RASSF3: variants seen among roughly 807,000 people sequenced by gnomAD.
RASSF3 encodes the protein ras association domain-containing protein 3.
A neutral mutation model predicts 19.9 loss-of-function variants in RASSF3; 19 were observed. The ratio of observed to expected loss-of-function variants is 0.96; its 90% confidence interval spans 0.67 to 1.40. The LOEUF (loss-of-function observed/expected upper bound fraction) is 1.40, where lower values mean the gene tolerates loss of function less well. Among genes scored for constraint, RASSF3 ranks in the 40% most tolerant of loss-of-function variants. The pLI, the probability that RASSF3 is intolerant of heterozygous loss-of-function variation, is 0.00. For missense variants in RASSF3, 306 were observed against 289.8 expected, an observed-to-expected ratio of 1.06 and a Z score of -0.41; for synonymous variants, 110 against 104.2, an observed-to-expected ratio of 1.06 and a Z score of -0.34.
At chr12:64,535,182 C>T (rs765509013) in intron 1 of RASSF3, among the ~76,000 whole-genome samples, 11 of 151,942 alleles carry the variant, frequency 7.2e-5, no homozygotes, top group African/African-American at 1.4e-4. Flanking sequence ...TCCTGCAAAT[C>T]GGTGGTCCAT....
At chr12:64,684,963 T>TTAGAA (rs1873292854) in intron 2 of RASSF3, 69 bp downstream of exon 2, 1 of 889,422 alleles carries the variant, frequency 1.1e-6, no homozygotes, top group Non-Finnish European at 1.9e-6. Context: ...GGTACTACAA[T>TTAGAA]CTATAGTTCT....
upstream of RASSF3, among the ~76,000 whole-genome samples, chr12:64,608,363 C>T (rs1364316147): frequency 6.6e-6 from 1 of 152,110 alleles, no homozygotes; most frequent in Non-Finnish European, 1.5e-5. Flanking sequence ...TCTTGTCGCC[C>T]AGACTGGAGT....
intron 1 of RASSF3, among the ~76,000 whole-genome samples, chr12:64,539,789 A>G (rs546794389): frequency 1.3e-5 from 2 of 152,244 alleles, no homozygotes; most frequent in South Asian, 2.1e-4. Flanking sequence ...GAAAAAAAAA[A>G]TTTCTCATAC....
At chr12:64,587,008 T>A (rs529866926) in intron 2 of RASSF3, among the ~76,000 whole-genome samples, 2 of 151,942 alleles carry the variant, frequency 1.3e-5, no homozygotes, top group Admixed American at 1.3e-4. Context: ...GTTGATATGT[T>A]CTTTAAAATC....
chr12:64,514,856 G>A (rs955151823), intron 1 of RASSF3, among the ~76,000 whole-genome samples: 1 of 152,048 alleles, frequency 6.6e-6, no homozygotes, highest in Non-Finnish European at 1.5e-5. Context: ...CTATCTTCCC[G>A]ATCTGATGAA....
chr12:64,544,724 C>T (rs1869022879), downstream of RASSF3, among the ~76,000 whole-genome samples: 1 of 152,114 alleles, frequency 6.6e-6, no homozygotes, highest in African/African-American at 2.4e-5. Context: ...GATAGAATTA[C>T]TGAAACTAGG....
At chr12:64,688,845 C>T (rs549191694) in intron 3 of RASSF3, among the ~76,000 whole-genome samples, 8 of 152,154 alleles carry the variant, frequency 5.3e-5, no homozygotes, top group South Asian at 4.2e-4. Context: ...TGCATCAGTA[C>T]GTGGAGTGGT....
chr12:64,660,014 A>ATATG (rs1555214873), intron 1 of RASSF3, among the ~76,000 whole-genome samples: 2 of 148,246 alleles, frequency 1.3e-5, no homozygotes, highest in African/African-American at 5.0e-5. Context: ...GTGTATATAT[A>ATATG]TGTGTGTGTG....
At chr12:64,681,898 A>G (rs544185051) in intron 1 of RASSF3, among the ~76,000 whole-genome samples, 1 of 152,268 alleles carries the variant, frequency 6.6e-6, no homozygotes, top group East Asian at 1.9e-4. Flanking sequence ...CCAGCTATTC[A>G]GGAGACTGAG....
chr12:64,605,366 CT>C (rs77670045), intron 2 of RASSF3, among the ~76,000 whole-genome samples: 51,485 of 148,886 alleles, frequency 0.35, 9,816 homozygotes, highest in Non-Finnish European at 0.43. Context: ...CTATGGGTTG[CT>C]TTTTTTTTTA....
chr12:64,632,007 G>A (rs2136173914), intron 1 of RASSF3, among the ~76,000 whole-genome samples: 1 of 152,290 alleles, frequency 6.6e-6, no homozygotes, highest in Admixed American at 6.5e-5. Context: ...GTAGAAGGCT[G>A]CTTAGAAAGA....
chr12:64,605,493 G>A (rs1362972465), intron 2 of RASSF3, among the ~76,000 whole-genome samples: 2 of 152,096 alleles, frequency 1.3e-5, no homozygotes, highest in Non-Finnish European at 2.9e-5. Flanking sequence ...CAATGGAGGA[G>A]AACAGAACGT....
intron 1 of RASSF3, among the ~76,000 whole-genome samples, chr12:64,672,552 C>T (rs1872734183): frequency 1.3e-5 from 2 of 152,128 alleles, no homozygotes; most frequent in Non-Finnish European, 2.9e-5. Context: ...GAGATAGGAT[C>T]TTGCTCTGTT....
At chr12:64,672,266 C>T (rs1052098196) in intron 1 of RASSF3, among the ~76,000 whole-genome samples, 2 of 152,042 alleles carry the variant, frequency 1.3e-5, no homozygotes, top group Non-Finnish European at 2.9e-5. Context: ...TGCTCTGTCA[C>T]CCGGGCTGGA....
intron 2 of RASSF3, among the ~76,000 whole-genome samples, chr12:64,565,724 A>G (rs1044322314): frequency 2.0e-5 from 3 of 151,716 alleles, no homozygotes; most frequent in African/African-American, 7.3e-5. Context: ...AAAAAAACAA[A>G]CAAAAACAAT....
At chr12:64,590,624 G>A (rs528696950) in intron 2 of RASSF3, among the ~76,000 whole-genome samples, 1 of 152,336 alleles carries the variant, frequency 6.6e-6, no homozygotes, top group South Asian at 2.1e-4. Context: ...GAGTGCTGGA[G>A]TAAAAGCTAA....
At chr12:64,553,255 T>C in intron 2 of RASSF3, among the ~76,000 whole-genome samples, 1 of 152,176 alleles carries the variant, frequency 6.6e-6, no homozygotes, top group Non-Finnish European at 1.5e-5. Flanking sequence ...TTATTAGAAG[T>C]CCAGTTCAAT....
chr12:64,573,232 G>A (rs943364765), intron 2 of RASSF3, among the ~76,000 whole-genome samples: 1 of 152,014 alleles, frequency 6.6e-6, no homozygotes, highest in Non-Finnish European at 1.5e-5. Flanking sequence ...GATCACTAGA[G>A]CCTGGGAGGT....
At chr12:64,546,645 T>C (rs562369436), downstream of RASSF3, among the ~76,000 whole-genome samples, 18 of 152,358 alleles carry the variant, frequency 1.2e-4, no homozygotes, top group Admixed American at 2.0e-4. Context: ...ACTTTTTTTC[T>C]TATTGGCTTT....
Sources: gnomAD v4.1 joint callset for allele counts (sites outside exome capture counted in the v4.1 genomes callset) on GRCh38, gnomAD v4.1.1 for gene constraint, MANE v1.5 for transcripts, NCBI Gene and HGNC (gene_info 2026-07-23, HGNC 2026-07-21) for gene names.